The following DIP2C variants were observed in gnomAD, a reference collection of about 807,000 sequenced individuals.
The protein encoded by DIP2C is DIP2 acetate--CoA ligase C (putative).
In DIP2C, 33 loss-of-function variants were observed where a neutral mutation model predicts 192.4. That is an observed-to-expected ratio of 0.17 (90% CI 0.13 to 0.23). The LOEUF (loss-of-function observed/expected upper bound fraction) is 0.23. Among genes scored for constraint, DIP2C ranks in the 10% least tolerant of loss-of-function variants. The pLI is 1.00. For synonymous variants in DIP2C, 979 were observed against 864.1 expected (o/e 1.13, Z -2.33); for missense variants, 1,537 against 2,110.1 (o/e 0.73, Z 5.32).
At chr10:514,414 C>G (rs1846220720) in intron 1 of DIP2C, among the ~76,000 whole-genome samples, 1 of 152,220 alleles carries the variant, frequency 6.6e-6, no homozygotes, top group Non-Finnish European at 1.5e-5. Flanking sequence ...TGGCTTCGTG[C>G]CGGGAACAGT....
intron 24 of DIP2C, 24 bp downstream of exon 24, chr10:356,402 G>T: frequency 6.2e-7 from 1 of 1,609,296 alleles, no homozygotes. Context: ...CCAGTAGCCA[G>T]GGAAGGCCAG....
chr10:583,962 AAGAG>A (rs376044246), intron 1 of DIP2C, among the ~76,000 whole-genome samples: 4 of 152,122 alleles, frequency 2.6e-5, no homozygotes, highest in Non-Finnish European at 4.4e-5. Flanking sequence ...ACAAATGTGA[AAGAG>A]AGAGGCGCGG....
At chr10:547,851 C>G (rs554888876) in intron 1 of DIP2C, among the ~76,000 whole-genome samples, 1 of 152,188 alleles carries the variant, frequency 6.6e-6, no homozygotes, top group African/African-American at 2.4e-5. Flanking sequence ...CCCTCTCCTG[C>G]ATTTCATCCA....
chr10:658,888 C>T (rs3853287), intron 1 of DIP2C, among the ~76,000 whole-genome samples: 6,609 of 152,298 alleles, frequency 0.043, 173 homozygotes, highest in East Asian at 0.14. Context: ...CATGCACTCT[C>T]TCCAGGAACA....
intron 1 of DIP2C, among the ~76,000 whole-genome samples, chr10:553,867 A>T (rs1848707731): frequency 6.6e-6 from 1 of 151,874 alleles, no homozygotes; most frequent in Non-Finnish European, 1.5e-5. Context: ...TGTAACTAAC[A>T]GTGAACAGGC....
At chr10:591,184 G>A (rs369691003) in intron 1 of DIP2C, among the ~76,000 whole-genome samples, 102 of 152,226 alleles carry the variant, frequency 6.7e-4, no homozygotes, top group African/African-American at 2.3e-3. Context: ...GTGGAGTGGC[G>A]TGATCTCGGC....
chr10:527,054 C>T (rs1217545880), intron 1 of DIP2C, among the ~76,000 whole-genome samples: 2 of 152,206 alleles, frequency 1.3e-5, no homozygotes, highest in African/African-American at 2.4e-5. Flanking sequence ...TGAGCCACCA[C>T]ACATTCAGTG....
At chr10:286,245 C>T in intron 34 of DIP2C, 28 bp downstream of exon 34, 2 of 1,611,956 alleles carry the variant, frequency 1.2e-6, no homozygotes, top group East Asian at 2.2e-5. Flanking sequence ...AGAAAAGTAA[C>T]CTGGATCTCG....
At chr10:305,972 A>AATATATATATATATATATATATATATAT (rs35830495) in intron 32 of DIP2C, among the ~76,000 whole-genome samples, 27 of 146,330 alleles carry the variant, frequency 1.8e-4, no homozygotes, top group African/African-American at 6.5e-4. Flanking sequence ...AATGCAGACA[A>AATATATATATATATATATATATATATAT]ATATATATAT....
chr10:337,301 C>CTGTG (rs537765230), intron 29 of DIP2C, among the ~76,000 whole-genome samples: 807 of 14,034 alleles, frequency 0.058, 24 homozygotes, highest in African/African-American at 0.15. Flanking sequence ...GCCTAGGCAG[C>CTGTG]TGTGTGTGTG....
chr10:301,114 C>T (rs72772830), intron 32 of DIP2C, among the ~76,000 whole-genome samples: 7,891 of 152,188 alleles, frequency 0.052, 304 homozygotes, highest in Middle Eastern at 0.085. Context: ...TCGTAGGTGG[C>T]CTTGCCGGGT....
At chr10:411,098 CA>C (rs1278061145) in intron 8 of DIP2C, among the ~76,000 whole-genome samples, 1 of 152,166 alleles carries the variant, frequency 6.6e-6, no homozygotes, top group East Asian at 1.9e-4. Context: ...ATCAACCACG[CA>C]AAAAAGCAGC....
intron 1 of DIP2C, among the ~76,000 whole-genome samples, chr10:594,118 C>T (rs769740425): frequency 3.3e-5 from 5 of 152,148 alleles, no homozygotes; most frequent in Non-Finnish European, 5.9e-5. Flanking sequence ...ACAGAGGGGC[C>T]GACGGTGCTG....
intron 1 of DIP2C, among the ~76,000 whole-genome samples, chr10:605,809 G>A (rs1300674577): frequency 6.6e-6 from 1 of 152,212 alleles, no homozygotes; most frequent in Non-Finnish European, 1.5e-5. Context: ...CAGAAGGCTG[G>A]GTAAGCCCAA....
intron 31 of DIP2C, among the ~76,000 whole-genome samples, chr10:326,801 T>C (rs945236047): frequency 3.3e-5 from 5 of 152,194 alleles, no homozygotes; most frequent in African/African-American, 1.2e-4. Flanking sequence ...GTAAGTCCTA[T>C]GAATGCTTGT....
rs1854658072 is a variant in DIP2C, at chr10:633,578, A to T, written c.85+55916T>A. On this transcript the variant is annotated intron_variant, in intron 1 of 36. Coordinates refer to ENST00000280886, the MANE Select transcript of DIP2C (RefSeq NM_014974.3). ...TCCTGAGCCAGGGGGCCCTCGCGTC[A>T]CCCAAGGCCACTGCAGCACCTCCAG... Among the ~76,000 whole-genome samples the T allele has an allele frequency of 2.6e-5, 4 of 152,298 alleles. No homozygotes were observed. In the South Asian group the frequency reaches 8.3e-4, roughly 32 times the overall value.
intron 1 of DIP2C, among the ~76,000 whole-genome samples, chr10:567,412 G>A (rs777467561): frequency 2.0e-5 from 3 of 152,012 alleles, no homozygotes; most frequent in South Asian, 2.1e-4. Flanking sequence ...GGCTGGTCTC[G>A]AACTCCTGAC....
intron 3 of DIP2C, among the ~76,000 whole-genome samples, chr10:468,078 T>G (rs1357432646): frequency 1.3e-5 from 2 of 152,172 alleles, no homozygotes; most frequent in African/African-American, 2.4e-5. Flanking sequence ...TCCTTGTGAA[T>G]GATTCCAGTC....
chr10:671,347 CGCCACAGACGCACGGACGGAGGAAACAG>C (rs1830626803), intron 1 of DIP2C, among the ~76,000 whole-genome samples: 29 of 144,994 alleles, frequency 2.0e-4, no homozygotes, highest in South Asian at 1.6e-3. Flanking sequence ...ACGGAGGAAA[CGCCACAGACGCACGGACGGAGGAAACAG>C]GCCACAGACG....
Sources: allele counts gnomAD v4.1 joint callset (sites outside exome capture counted in the v4.1 genomes callset), GRCh38; gene constraint gnomAD v4.1.1; transcripts MANE v1.5; gene names NCBI Gene and HGNC (gene_info 2026-07-23, HGNC 2026-07-21).